CAMTA1: variants seen among roughly 807,000 people sequenced by gnomAD.
CAMTA1 encodes the protein calmodulin binding transcription activator 1, also known as calmodulin-binding transcription activator 1.
A neutral mutation model predicts 170.9 loss-of-function variants in CAMTA1; 27 were observed. That is an observed-to-expected ratio of 0.16 (90% CI 0.12 to 0.22). CAMTA1 has a LOEUF of 0.22. CAMTA1 is among the 10% of genes least tolerant of loss of function. The pLI, the probability that CAMTA1 is intolerant of heterozygous loss-of-function variation, is 1.00. For synonymous variants in CAMTA1, 833 were observed against 891.5 expected (o/e 0.93, Z 1.17); for missense variants, 1,619 against 2,217.2 (o/e 0.73, Z 5.42).
intron 5 of CAMTA1, among the ~76,000 whole-genome samples, chr1:7,335,034 T>A (rs879390009): frequency 6.5e-4 from 95 of 146,554 alleles, no homozygotes; most frequent in Non-Finnish European, 1.2e-3. Flanking sequence ...AACCATTTTT[T>A]AAACCAAATC....
intron 3 of CAMTA1, among the ~76,000 whole-genome samples, chr1:7,062,232 T>C (rs1464183157): frequency 1.3e-5 from 2 of 152,172 alleles, no homozygotes; most frequent in East Asian, 3.9e-4. Context: ...CATTATATTT[T>C]TAAAGTATAT....
chr1:6,992,187 A>AGCC (rs1696494429), intron 3 of CAMTA1, among the ~76,000 whole-genome samples: 1 of 151,970 alleles, frequency 6.6e-6, no homozygotes, highest in African/African-American at 2.4e-5. Context: ...CTCTCACCTC[A>AGCC]GCCTCCCGAA....
chr1:7,571,574 T>C (rs1221778439), intron 6 of CAMTA1, among the ~76,000 whole-genome samples: 1 of 152,198 alleles, frequency 6.6e-6, no homozygotes, highest in Non-Finnish European at 1.5e-5. Context: ...CAATTATAAG[T>C]GAGAACATGC....
chr1:7,150,220 T>C (rs1306888818), intron 4 of CAMTA1, among the ~76,000 whole-genome samples: 1 of 152,152 alleles, frequency 6.6e-6, no homozygotes, highest in Non-Finnish European at 1.5e-5. Context: ...TCTCACTTGC[T>C]CACTTGGGGG....
At chr1:7,117,992 T>A (rs567042600) in intron 4 of CAMTA1, among the ~76,000 whole-genome samples, 1 of 152,244 alleles carries the variant, frequency 6.6e-6, no homozygotes, top group Non-Finnish European at 1.5e-5. Context: ...TTTGGCTGAC[T>A]AATTTAATCA....
At chr1:6,867,793 C>G (rs968667201) in intron 3 of CAMTA1, among the ~76,000 whole-genome samples, 1 of 151,890 alleles carries the variant, frequency 6.6e-6, no homozygotes, top group Non-Finnish European at 1.5e-5. Flanking sequence ...TTGTAATCAC[C>G]TCTTTTTTTT....
At chr1:7,606,395 G>T (rs1477209803) in intron 6 of CAMTA1, among the ~76,000 whole-genome samples, 1 of 152,210 alleles carries the variant, frequency 6.6e-6, no homozygotes, top group Non-Finnish European at 1.5e-5. Flanking sequence ...TAGAGGCTCA[G>T]ATCAATTCTC....
At chr1:7,355,890 A>C (rs1053372564) in intron 5 of CAMTA1, among the ~76,000 whole-genome samples, 1 of 152,210 alleles carries the variant, frequency 6.6e-6, no homozygotes, top group Admixed American at 6.5e-5. Flanking sequence ...TTCCCTCTGA[A>C]TACTCTTAAT....
chr1:7,607,316 G>T, intron 6 of CAMTA1, among the ~76,000 whole-genome samples: 1 of 150,026 alleles, frequency 6.7e-6, no homozygotes, highest in Non-Finnish European at 1.5e-5. Flanking sequence ...GGAATGGTAG[G>T]TGGGTGGATG....
At chr1:6,830,531 C>G (rs1186008080) in intron 3 of CAMTA1, among the ~76,000 whole-genome samples, 13 of 151,950 alleles carry the variant, frequency 8.6e-5, no homozygotes, top group Admixed American at 7.2e-4. Context: ...TTAGTAGAGA[C>G]AGGGTTTCAC....
At chr1:7,182,956 G>A (rs532954556) in intron 4 of CAMTA1, among the ~76,000 whole-genome samples, 2 of 152,318 alleles carry the variant, frequency 1.3e-5, no homozygotes, top group African/African-American at 4.8e-5. Context: ...ACACATTGCT[G>A]GGGGACTGCA....
chr1:7,116,654 C>CTTTT (rs34283711), intron 4 of CAMTA1, among the ~76,000 whole-genome samples: 1 of 143,448 alleles, frequency 7.0e-6, no homozygotes, highest in Non-Finnish European at 1.5e-5. Flanking sequence ...TTCTTTCTTT[C>CTTTT]TTTTTTTTTT....
At chr1:6,788,755 G>A (rs1640169522) in intron 1 of CAMTA1, among the ~76,000 whole-genome samples, 1 of 152,188 alleles carries the variant, frequency 6.6e-6, no homozygotes, top group Non-Finnish European at 1.5e-5. Flanking sequence ...AGGCGCAGTG[G>A]AAGGAAAAGT....
rs936007340 is a variant in CAMTA1, at chr1:7,010,445, G to A, written c.235-80859G>A. Among the ~76,000 whole-genome samples the A allele has an allele frequency of 5.9e-5, 9 of 152,208 alleles. No homozygotes were observed. The highest frequency in any genetic ancestry group is 1.3e-4 in the Admixed American group (2 of 15,284). On this transcript the variant is annotated intron_variant, in intron 3 of 22. Transcript: ENST00000303635. The surrounding 1 kb of genome is among the most constrained non-coding windows in gnomAD (Gnocchi z 4.4). ...ACTCCCAGGTCATGTCAGTCCTGAG[G>A]ATGCCAGGAGACGCTTTCTGAACAC...
At chr1:7,517,182 T>C (rs1036357759) in intron 6 of CAMTA1, among the ~76,000 whole-genome samples, 2 of 152,230 alleles carry the variant, frequency 1.3e-5, no homozygotes, top group Non-Finnish European at 2.9e-5. Flanking sequence ...CCATCACTTA[T>C]CTAGCCAGTC....
intron 6 of CAMTA1, among the ~76,000 whole-genome samples, chr1:7,619,433 G>T (rs946646807): frequency 6.6e-6 from 1 of 152,250 alleles, no homozygotes; most frequent in African/African-American, 2.4e-5. Context: ...CATAGCAGGT[G>T]TCACAAGGAA....
At chr1:7,227,140 G>A (rs2149172324) in intron 4 of CAMTA1, among the ~76,000 whole-genome samples, 1 of 151,870 alleles carries the variant, frequency 6.6e-6, no homozygotes, top group East Asian at 2.0e-4. Context: ...GCCAACTGAA[G>A]CCATTTTTAG....
chr1:7,760,655 C>T (rs1259704961), intron 22 of CAMTA1, among the ~76,000 whole-genome samples: 1 of 152,212 alleles, frequency 6.6e-6, no homozygotes, highest in Non-Finnish European at 1.5e-5. Context: ...AGACAACATG[C>T]TCTGTGTCAT....
At position 6,800,455 on chromosome 1, in the gene CAMTA1, A is replaced by G. The variant is rs538893412; in HGVS notation, c.45+14880A>G. Among the ~76,000 whole-genome samples, 10 of 152,276 alleles carry G rather than the reference A, an allele frequency of 6.6e-5. No individual in the cohort carries two copies. In the East Asian group the frequency reaches 1.9e-3, roughly 29 times the overall value. ...TTTAAATTTATTAAAAAAGATGTAC[A>G]ACACCAAAATGTTCATAGTTATTCT... On this transcript the variant is annotated intron_variant, in intron 1 of 22. Coordinates refer to ENST00000303635, the MANE Select transcript of CAMTA1 (RefSeq NM_015215.4).
Sources: allele counts gnomAD v4.1 joint callset (sites outside exome capture counted in the v4.1 genomes callset), GRCh38; gene constraint gnomAD v4.1.1; non-coding constraint Gnocchi (gnomAD v3.1); transcripts MANE v1.5; gene names NCBI Gene and HGNC (gene_info 2026-07-23, HGNC 2026-07-21).